NEGR1: variants seen among roughly 807,000 people sequenced by gnomAD.
The protein encoded by NEGR1 is IgLON family member 4.
In NEGR1, 10 loss-of-function variants were observed where a neutral mutation model predicts 40.9. That is an observed-to-expected ratio of 0.24 (90% CI 0.15 to 0.42). The LOEUF is 0.42. Ranked by LOEUF, NEGR1 falls within the 10% of genes least tolerant of loss-of-function variation. The probability of loss-of-function intolerance (pLI) is 1.00; values close to 1 mark genes in which losing one functional copy is unlikely to be tolerated. For missense variants in NEGR1, 352 were observed against 438.9 expected (o/e 0.80, Z 1.77); for synonymous variants, 185 against 166.8 (o/e 1.11, Z -0.84).
intron 1 of NEGR1, among the ~76,000 whole-genome samples, chr1:72,192,512 A>G (rs1415806854): frequency 1.3e-5 from 2 of 151,858 alleles, no homozygotes; most frequent in Non-Finnish European, 2.9e-5. Context: ...TCCCAAATAA[A>G]AGGTAATGAT....
At chr1:71,732,538 G>T (rs1191509509) in intron 3 of NEGR1, among the ~76,000 whole-genome samples, 2 of 151,860 alleles carry the variant, frequency 1.3e-5, no homozygotes, top group Non-Finnish European at 2.9e-5. Flanking sequence ...GCGCCAGCTT[G>T]TGTTCTTTTT....
chr1:72,135,094 C>T (rs563566821), intron 1 of NEGR1, among the ~76,000 whole-genome samples: 1 of 148,146 alleles, frequency 6.8e-6, no homozygotes, highest in Non-Finnish European at 1.5e-5. Flanking sequence ...AAATAACTTT[C>T]GGCCGGGCGT....
At chr1:71,589,947 C>G (rs1649443411) in intron 6 of NEGR1, among the ~76,000 whole-genome samples, 1 of 152,066 alleles carries the variant, frequency 6.6e-6, no homozygotes, top group African/African-American at 2.4e-5. Context: ...TCTCTCAATA[C>G]TCTCCTTCTA....
intron 2 of NEGR1, among the ~76,000 whole-genome samples, chr1:71,912,814 GTA>G (rs566496750): frequency 1.3e-4 from 20 of 151,568 alleles, no homozygotes; most frequent in African/African-American, 4.8e-4. Flanking sequence ...ACATGTGTGT[GTA>G]TATATATATA....
rs79530242 is a variant in NEGR1 at position 71,817,327 on chromosome 1, C to T, written c.410-41030G>A. ...CAAGATGGTAGTACAAAGTGCCTGC[C>T]AGTTCGCTGACATGGGCTAATTCTG... is the stretch of plus-strand genomic sequence containing the variant. On this transcript the variant is annotated intron_variant, in intron 2 of 6. Transcript: ENST00000357731. Among the ~76,000 whole-genome samples the T allele has an allele frequency of 1.2e-3, 176 of 152,200 alleles. 1 individual carries two copies. The East Asian group carries it at 0.023, about 19-fold the overall frequency.
chr1:71,651,196 T>C (rs1306749902), intron 4 of NEGR1, among the ~76,000 whole-genome samples: 1 of 152,146 alleles, frequency 6.6e-6, no homozygotes, highest in African/African-American at 2.4e-5. Context: ...AGAATAACAG[T>C]GACCTATATA....
Position 71,473,755 on chromosome 1 carries a change from C to T in NEGR1, c.941-66185G>A, listed in dbSNP as rs147568793. Among the ~76,000 whole-genome samples the T allele has an allele frequency of 2.6e-5, 4 of 152,052 alleles. No individual in the cohort carries two copies. In the East Asian group the frequency reaches 5.8e-4, roughly 22 times the overall value. ...ATGGGGAGCAGTGGGTGGTAGTCAT[C>T]AAAATATTCCCTTATCCCTGTAATT... On this transcript the variant is annotated intron_variant, in intron 6 of 6. Coordinates refer to ENST00000357731, the MANE Select transcript of NEGR1 (RefSeq NM_173808.3).
intron 6 of NEGR1, among the ~76,000 whole-genome samples, chr1:71,466,770 A>T (rs369264253): frequency 6.6e-6 from 1 of 152,124 alleles, no homozygotes; most frequent in East Asian, 1.9e-4. Context: ...AAAGGGTTGC[A>T]GATAAGTCTT....
At chr1:71,823,541 T>G (rs566136849) in intron 2 of NEGR1, among the ~76,000 whole-genome samples, 1 of 152,152 alleles carries the variant, frequency 6.6e-6, no homozygotes, top group East Asian at 1.9e-4. Flanking sequence ...CTGATAAAAA[T>G]TGACTTGGCA....
At chr1:71,440,121 A>G (rs889493781) in intron 6 of NEGR1, among the ~76,000 whole-genome samples, 9 of 152,182 alleles carry the variant, frequency 5.9e-5, no homozygotes, top group Non-Finnish European at 1.0e-4. Context: ...TTGATGTCCT[A>G]GTATGTATTA....
At chr1:71,639,056 A>T (rs1200333546) in intron 4 of NEGR1, among the ~76,000 whole-genome samples, 4 of 152,024 alleles carry the variant, frequency 2.6e-5, no homozygotes, top group Non-Finnish European at 5.9e-5. Context: ...ATATACTCAC[A>T]TGAGAGCTGC....
At chr1:71,958,782 T>G (rs1009977040) in intron 1 of NEGR1, among the ~76,000 whole-genome samples, 1 of 151,846 alleles carries the variant, frequency 6.6e-6, no homozygotes, top group African/African-American at 2.4e-5. Context: ...TGAAACCCCA[T>G]CTCTATTAAA....
intron 1 of NEGR1, among the ~76,000 whole-genome samples, chr1:72,090,490 T>A (rs1426877275): frequency 6.6e-6 from 1 of 152,074 alleles, no homozygotes; most frequent in Non-Finnish European, 1.5e-5. Context: ...AGGAATTACC[T>A]CTAACCCACA....
chr1:71,992,204 GTATT>G (rs1646459848), intron 1 of NEGR1, among the ~76,000 whole-genome samples: 1 of 151,866 alleles, frequency 6.6e-6, no homozygotes, highest in South Asian at 2.1e-4. Flanking sequence ...TAAAAATTGT[GTATT>G]TCATATACAT....
intron 4 of NEGR1, among the ~76,000 whole-genome samples, chr1:71,673,703 T>C (rs544991964): frequency 1.3e-5 from 2 of 152,202 alleles, no homozygotes; most frequent in Non-Finnish European, 2.9e-5. Flanking sequence ...AATGGGCATG[T>C]TACATTTAAC....
At chr1:72,269,818 G>C (rs1655783094) in intron 1 of NEGR1, among the ~76,000 whole-genome samples, 1 of 150,652 alleles carries the variant, frequency 6.6e-6, no homozygotes, top group Non-Finnish European at 1.5e-5. Flanking sequence ...AAATGCATGT[G>C]ACCTTTTAAT....
intron 1 of NEGR1, among the ~76,000 whole-genome samples, chr1:71,984,473 G>A (rs965792944): frequency 6.6e-6 from 1 of 151,814 alleles, no homozygotes; most frequent in Non-Finnish European, 1.5e-5. Flanking sequence ...ACTAACACAT[G>A]TCTAGTATGA....
At chr1:71,898,136 G>T (rs1661022543) in intron 2 of NEGR1, among the ~76,000 whole-genome samples, 1 of 152,080 alleles carries the variant, frequency 6.6e-6, no homozygotes, top group Non-Finnish European at 1.5e-5. Flanking sequence ...TTCTGAAATT[G>T]GCTAAAAGTA....
chr1:71,511,520 T>C (rs988799203), intron 6 of NEGR1, among the ~76,000 whole-genome samples: 1 of 152,212 alleles, frequency 6.6e-6, no homozygotes, highest in Non-Finnish European at 1.5e-5. Flanking sequence ...CATCAGAGGC[T>C]CAACTGAACA....
Sources: allele counts gnomAD v4.1 joint callset (sites outside exome capture counted in the v4.1 genomes callset), GRCh38; gene constraint gnomAD v4.1.1; transcripts MANE v1.5; gene names NCBI Gene and HGNC (gene_info 2026-07-23, HGNC 2026-07-21).